OR1J2: variants seen among roughly 807,000 people sequenced by gnomAD.
The protein encoded by OR1J2 is olfactory receptor 1J2.
For synonymous variants in OR1J2, 142 were observed against 99.7 expected (o/e 1.42, Z -2.52); for missense variants, 304 against 246.1 (o/e 1.24, Z -1.57).
At chr9:122,521,980 C>T in the OR1J2 span, among the ~76,000 whole-genome samples, 9 of 152,326 alleles carry the variant, frequency 5.9e-5, no homozygotes, top group African/African-American at 2.2e-4. Context: ...ACCAGTCCAC[C>T]TCATCTCCCA....
upstream of OR1J2, among the ~76,000 whole-genome samples, chr9:122,510,649 C>T (rs1248922327): frequency 6.6e-6 from 1 of 152,106 alleles, no homozygotes; most frequent in East Asian, 1.9e-4. Context: ...TGCTCTTCCT[C>T]CCCACAGACC....
At chr9:122,531,309 G>C in the OR1J2 span, among the ~76,000 whole-genome samples, 1 of 152,214 alleles carries the variant, frequency 6.6e-6, no homozygotes. Context: ...AGTTAAGAGT[G>C]GCGGTTTGGG....
the OR1J2 span, chr9:122,519,374 C>T: frequency 6.2e-7 from 1 of 1,614,136 alleles, no homozygotes; most frequent in Non-Finnish European, 8.5e-7. Flanking sequence ...CTGTCACTGT[C>T]CCAAAGATGT....
chr9:122,579,789 A>G, the OR1J2 span, among the ~76,000 whole-genome samples: 1 of 152,040 alleles, frequency 6.6e-6, no homozygotes, highest in South Asian at 2.1e-4. Flanking sequence ...TTAAGCAGAA[A>G]TGAAGTAAAT....
At chr9:122,487,476 C>CACACACAA in the OR1J2 span, among the ~76,000 whole-genome samples, 459 of 152,132 alleles carry the variant, frequency 3.0e-3, 4 homozygotes, top group Middle Eastern at 0.037. Context: ...CACACACACA[C>CACACACAA]ACACACACAC....
chr9:122,505,525 T>C, the OR1J2 span, among the ~76,000 whole-genome samples: 1 of 151,938 alleles, frequency 6.6e-6, no homozygotes, highest in African/African-American at 2.4e-5. Flanking sequence ...GGGGATTAAG[T>C]TTTAACATGA....
the OR1J2 span, among the ~76,000 whole-genome samples, chr9:122,546,227 G>A: frequency 6.6e-6 from 1 of 152,144 alleles, no homozygotes. Context: ...TTGAATGTGG[G>A]AGGAAAGTAA....
the OR1J2 span, among the ~76,000 whole-genome samples, chr9:122,517,727 T>C: frequency 1.3e-5 from 2 of 152,030 alleles, no homozygotes; most frequent in African/African-American, 4.8e-5. Flanking sequence ...GTTTTTTTTT[T>C]CTTATGTTCC....
the OR1J2 span, chr9:122,519,797 C>T: frequency 1.9e-6 from 3 of 1,614,172 alleles, no homozygotes. Flanking sequence ...TCTCTTATGG[C>T]CACATTGGGG....
chr9:122,504,374 A>G, the OR1J2 span, among the ~76,000 whole-genome samples: 1 of 152,174 alleles, frequency 6.6e-6, no homozygotes, highest in African/African-American at 2.4e-5. Flanking sequence ...TCCAATTAGC[A>G]TGGTCCCTTG....
chr9:122,561,590 C>G, the OR1J2 span, among the ~76,000 whole-genome samples: 3 of 152,076 alleles, frequency 2.0e-5, no homozygotes, highest in Non-Finnish European at 4.4e-5. Context: ...TCAGGTCCCT[C>G]TTCTGTAGGG....
At chr9:122,550,114 A>C in the OR1J2 span, among the ~76,000 whole-genome samples, 1 of 152,110 alleles carries the variant, frequency 6.6e-6, no homozygotes, top group African/African-American at 2.4e-5. Context: ...ATCAGAGACT[A>C]CTATAAACAA....
the OR1J2 span, among the ~76,000 whole-genome samples, chr9:122,495,340 T>C: frequency 6.6e-6 from 1 of 152,312 alleles, no homozygotes; most frequent in South Asian, 2.1e-4. Context: ...GGTTTGGACA[T>C]TTAACATAGT....
the OR1J2 span, among the ~76,000 whole-genome samples, chr9:122,530,406 C>T: frequency 6.6e-6 from 1 of 152,220 alleles, no homozygotes; most frequent in African/African-American, 2.4e-5. Context: ...GCTAAACGTA[C>T]TACACTTGGG....
the OR1J2 span, among the ~76,000 whole-genome samples, chr9:122,573,125 C>G: frequency 6.6e-6 from 1 of 152,208 alleles, no homozygotes; most frequent in Non-Finnish European, 1.5e-5. Flanking sequence ...GGTTTGAGTT[C>G]TGCCCTCCTG....
the OR1J2 span, among the ~76,000 whole-genome samples, chr9:122,566,394 C>T: frequency 6.6e-6 from 1 of 152,190 alleles, no homozygotes; most frequent in Non-Finnish European, 1.5e-5. Flanking sequence ...TCCCCCTGCC[C>T]TTCCATTCTT....
chr9:122,530,683 G>A, the OR1J2 span, among the ~76,000 whole-genome samples: 2 of 152,314 alleles, frequency 1.3e-5, no homozygotes, highest in Middle Eastern at 3.4e-3. Flanking sequence ...CCTGGGTGCA[G>A]GCGGGCTGAG....
chr9:122,526,738 A>G, the OR1J2 span: 1 of 1,614,184 alleles, frequency 6.2e-7, no homozygotes, highest in Non-Finnish European at 8.5e-7. Context: ...TCAGAACATG[A>G]CAGCTTCAGG....
chr9:122,499,545 G>T, the OR1J2 span, among the ~76,000 whole-genome samples: 1 of 152,072 alleles, frequency 6.6e-6, no homozygotes, highest in African/African-American at 2.4e-5. Flanking sequence ...TCAGGTTGCT[G>T]GATGAAGCAA....
Sources: allele counts gnomAD v4.1 joint callset (sites outside exome capture counted in the v4.1 genomes callset), GRCh38; gene constraint gnomAD v4.1.1; transcripts MANE v1.5; gene names NCBI Gene and HGNC (gene_info 2026-07-23, HGNC 2026-07-21).